The following PGS1 variants were observed in gnomAD, a reference collection of about 807,000 sequenced individuals.
PGS1 encodes the protein CDP-diacylglycerol--glycerol-3-phosphate 3-phosphatidyltransferase, mitochondrial.
Under a neutral mutation model 58.3 loss-of-function variants are expected in PGS1, and 44 were observed. The observed-to-expected ratio is 0.75, with a 90% CI of 0.59 to 0.97. PGS1 has a LOEUF of 0.97. Ranked by LOEUF, PGS1 falls within the 50% of genes least tolerant of loss-of-function variation. The pLI, the probability that PGS1 is intolerant of heterozygous loss-of-function variation, is 0.00. For synonymous variants in PGS1, 330 were observed against 311.0 expected (o/e 1.06, Z -0.64); for missense variants, 684 against 731.1 (o/e 0.94, Z 0.74).
At chr17:78,403,142 C>G (rs1329233027) in intron 6 of PGS1, among the ~76,000 whole-genome samples, 1 of 152,192 alleles carries the variant, frequency 6.6e-6, no homozygotes, top group African/African-American at 2.4e-5. Flanking sequence ...TGAAGTAGAA[C>G]ATGCACCCCG....
chr17:78,413,762 A>G (rs928989883), intron 7 of PGS1, among the ~76,000 whole-genome samples: 49 of 152,306 alleles, frequency 3.2e-4, no homozygotes, highest in Middle Eastern at 3.4e-3. Context: ...TTTTAGAAGT[A>G]GTTCTGATGG....
chr17:78,409,694 C>T (rs1340495523), intron 7 of PGS1, among the ~76,000 whole-genome samples: 3 of 152,206 alleles, frequency 2.0e-5, no homozygotes, highest in Non-Finnish European at 4.4e-5. Flanking sequence ...GTCTTCTGTC[C>T]CCTCCGTGTT....
At chr17:78,411,100 G>A (rs764591369) in intron 7 of PGS1, among the ~76,000 whole-genome samples, 4 of 152,176 alleles carry the variant, frequency 2.6e-5, no homozygotes, top group South Asian at 2.1e-4. Flanking sequence ...GTAGACACTC[G>A]GGCAGTTGGC....
At chr17:78,379,336 ACACT>A (rs1265148376) in intron 1 of PGS1, among the ~76,000 whole-genome samples, 5 of 152,072 alleles carry the variant, frequency 3.3e-5, no homozygotes, top group African/African-American at 7.2e-5. Context: ...ATCCTTAGTA[ACACT>A]CAGGCATGGG....
At chr17:78,423,911 C>A in intron 9 of PGS1, 150 bp from the exon 10 acceptor site, 2 of 1,613,976 alleles carry the variant, frequency 1.2e-6, no homozygotes, top group South Asian at 1.1e-5. Context: ...GCGAGCTAAA[C>A]CTGTAGGAGC....
At chr17:78,386,841 C>T (rs1292590575) in intron 1 of PGS1, among the ~76,000 whole-genome samples, 1 of 152,124 alleles carries the variant, frequency 6.6e-6, no homozygotes, top group African/African-American at 2.4e-5. Context: ...CCATGGGGTT[C>T]TGTCTGATGT....
chr17:78,419,952 C>T (rs930521440), intron 9 of PGS1: 60 of 1,199,568 alleles, frequency 5.0e-5, no homozygotes, highest in African/African-American at 6.3e-5. Flanking sequence ...TCCCCTTCTG[C>T]TCTCCCTTCC....
chr17:78,380,012 A>G (rs1263280542), intron 1 of PGS1, among the ~76,000 whole-genome samples: 2 of 151,804 alleles, frequency 1.3e-5, no homozygotes, highest in South Asian at 4.2e-4. Flanking sequence ...GATTACAGAC[A>G]TAAGCCACCA....
rs1403427672 is a variant in PGS1 at position 78,423,539 on chromosome 17, TCC to T, written c.*11-521_*11-520del. On this transcript the variant is annotated intron_variant, in intron 9 of 9. Coordinates refer to ENST00000262764, the MANE Select transcript of PGS1 (RefSeq NM_024419.5). ...GCCAAGCCCTCACCCCACATGCTGC[TCC>T]TGTTAAAAGCAAACTCCACTGACCC... Among the ~76,000 whole-genome samples the T allele has an allele frequency of 6.6e-5, 10 of 152,268 alleles. No individual in the cohort carries two copies. In the East Asian group the frequency reaches 1.2e-3, roughly 18 times the overall value.
intron 2 of PGS1, 142 bp from the exon 3 acceptor site, chr17:78,396,166 G>A (rs760335481): frequency 6.0e-6 from 4 of 665,040 alleles, no homozygotes; most frequent in African/African-American, 5.4e-5. Context: ...TACACGTTTC[G>A]AGCTTGCTTT....
intron 3 of PGS1, 31 bp downstream of exon 3, chr17:78,396,416 C>T: frequency 6.7e-7 from 1 of 1,503,718 alleles, no homozygotes; most frequent in South Asian, 1.2e-5. Flanking sequence ...GTTGTGGCAG[C>T]AATAGTGAAT....
At chr17:78,398,059 G>C (rs762330260) in intron 3 of PGS1, 193 bp from the exon 4 acceptor site, 28 of 658,766 alleles carry the variant, frequency 4.3e-5, no homozygotes, top group Non-Finnish European at 7.3e-5. Flanking sequence ...CAGGCCCCTG[G>C]GTGCTTCTTC....
intron 9 of PGS1, chr17:78,419,973 T>TGAA: frequency 8.5e-7 from 1 of 1,178,528 alleles, no homozygotes; most frequent in Non-Finnish European, 1.1e-6. Context: ...CAGGGGGTCC[T>TGAA]GAAGAAGCCC....
chr17:78,421,712 C>T (rs2085765280), intron 9 of PGS1: 1 of 152,240 alleles, frequency 6.6e-6, no homozygotes, highest in African/African-American at 2.4e-5. Flanking sequence ...TTCTGTGGGA[C>T]CAGAGTAAAT....
intron 4 of PGS1, 55 bp from the exon 5 acceptor site, chr17:78,399,293 G>A (rs2083471867): frequency 2.1e-6 from 3 of 1,433,790 alleles, no homozygotes; most frequent in South Asian, 1.2e-5. Context: ...TCCTCATTGG[G>A]GGCAGGACGC....
Position 78,410,933 on chromosome 17 carries a change from C to T in PGS1, c.1403-3946C>T, listed in dbSNP as rs552051056. 2.0e-5 allele frequency among the ~76,000 whole-genome samples: 3 copies of T among 152,312 alleles called. No homozygotes were observed. The South Asian group carries it at 6.2e-4, about 32-fold the overall frequency. ...TCACTGGGTACCAGACAGACTAACT[C>T]CCTGCCCTCCTAAGGCTTATACTTT... On this transcript the variant is annotated intron_variant, in intron 7 of 9. Coordinates refer to ENST00000262764, the MANE Select transcript of PGS1 (RefSeq NM_024419.5).
intron 7 of PGS1, among the ~76,000 whole-genome samples, chr17:78,411,902 CTTTTTTTT>C (rs35472026): frequency 1.7e-5 from 1 of 57,986 alleles, no homozygotes; most frequent in Non-Finnish European, 2.8e-5. Flanking sequence ...AGGGCTCCTG[CTTTTTTTT>C]TTTTTTTTTT....
Position 78,400,954 on chromosome 17 carries a change from A to C in PGS1, c.880+99A>C. The C allele has an allele frequency of 1.9e-6, 2 of 1,031,856 alleles. No individual in the cohort carries two copies. The highest frequency in any genetic ancestry group is 3.4e-5 in the South Asian group (2 of 58,966). 63.9% of individuals were successfully genotyped at this position (1,031,856 alleles called of 1,614,324 possible). ...GGTGGTTCTGCCACAGGCATAGGGGACTTGGGTGGCAAGGCTTCATTCTGC... is the reference window on the plus strand; with the variant it reads ...GGTGGTTCTGCCACAGGCATAGGGGCCTTGGGTGGCAAGGCTTCATTCTGC... On this transcript the variant is annotated intron_variant, in intron 6 of 9. Transcript: ENST00000262764. The surrounding 1 kb of genome is among the most constrained non-coding windows in gnomAD (Gnocchi z 4.4).
chr17:78,392,684 A>G lies in PGS1; in HGVS notation c.333+19A>G. The G allele has an allele frequency of 6.2e-7, 1 of 1,609,234 alleles. No individual in the cohort carries two copies. The highest frequency in any genetic ancestry group is 1.1e-5 in the South Asian group (1 of 90,734). On this transcript the variant is annotated intron_variant, in intron 2 of 9. Transcript: ENST00000262764. The stretch of plus-strand genomic sequence containing the variant: ...CATGAAGGTAAGTGGTATCTAAAGG[A>G]AAGAAGTTTGAGTTAGAGCTTTTGG...
Sources: gnomAD v4.1 joint callset for allele counts (sites outside exome capture counted in the v4.1 genomes callset) on GRCh38, gnomAD v4.1.1 for gene constraint, Gnocchi (gnomAD v3.1) non-coding constraint, MANE v1.5 for transcripts, NCBI Gene and HGNC (gene_info 2026-07-23, HGNC 2026-07-21) for gene names.